The following UNC5C variants were observed in gnomAD, a reference collection of about 807,000 sequenced individuals.
The protein encoded by UNC5C is unc-5 netrin receptor C.
UNC5C carries 47 observed loss-of-function variants against 99.8 expected under a neutral mutation model. The observed-to-expected ratio is 0.47, with a 90% CI of 0.37 to 0.60. UNC5C has a LOEUF of 0.60. Ranked by LOEUF, UNC5C falls within the 20% of genes least tolerant of loss-of-function variation. The probability of loss-of-function intolerance (pLI) is 0.00; values close to 1 mark genes in which losing one functional copy is unlikely to be tolerated. For synonymous variants in UNC5C, 487 were observed against 452.2 expected (o/e 1.08, Z -0.98); for missense variants, 1,062 against 1,165.9 (o/e 0.91, Z 1.30).
intron 1 of UNC5C, among the ~76,000 whole-genome samples, chr4:95,487,421 T>A (rs1024585916): frequency 1.1e-4 from 17 of 151,654 alleles, no homozygotes; most frequent in African/African-American, 3.6e-4. Flanking sequence ...CTAGCACCTA[T>A]TTTGCCACAA....
At chr4:95,482,674 C>G (rs1474834846) in intron 1 of UNC5C, among the ~76,000 whole-genome samples, 1 of 133,792 alleles carries the variant, frequency 7.5e-6, no homozygotes, top group Non-Finnish European at 1.6e-5. Context: ...GAATACTATG[C>G]AGCCATAAAA....
intron 1 of UNC5C, among the ~76,000 whole-genome samples, chr4:95,489,370 A>G (rs1721419616): frequency 6.6e-6 from 1 of 151,660 alleles, no homozygotes; most frequent in Admixed American, 6.6e-5. Context: ...GCGGCAGAAG[A>G]TGTGACCTGG....
intron 3 of UNC5C, among the ~76,000 whole-genome samples, chr4:95,294,650 A>G (rs1315194183): frequency 1.3e-5 from 2 of 152,234 alleles, no homozygotes; most frequent in Non-Finnish European, 2.9e-5. Context: ...GTGAATCAGC[A>G]GAGAATTTCA....
At chr4:95,476,791 G>A (rs984209520) in intron 1 of UNC5C, among the ~76,000 whole-genome samples, 5 of 151,642 alleles carry the variant, frequency 3.3e-5, no homozygotes, top group Non-Finnish European at 5.9e-5. Context: ...AACTCTATTA[G>A]GTGTATACTA....
chr4:95,224,623 C>A (rs536909942), intron 7 of UNC5C, among the ~76,000 whole-genome samples: 6 of 152,210 alleles, frequency 3.9e-5, no homozygotes, highest in Non-Finnish European at 8.8e-5. Context: ...TTCATTCATT[C>A]ATTCATTCAT....
chr4:95,176,927 C>T (rs544374068), intron 14 of UNC5C, among the ~76,000 whole-genome samples: 19 of 143,242 alleles, frequency 1.3e-4, no homozygotes, highest in South Asian at 2.2e-4. Context: ...GAGCCAGGTG[C>T]GGGATATAAT....
In UNC5C at chr4:95,168,807, T is replaced by G. The variant is rs183106469; in HGVS notation, c.*427A>C. ...GTCCACAGCTTCAACTTCAAATGAT[T>G]TGAACAAAAATAGAACGAGCCATGG... On this transcript the variant is annotated 3_prime_UTR_variant, in exon 16 of 16. Coordinates refer to ENST00000453304, the MANE Select transcript of UNC5C (RefSeq NM_003728.4). The G allele has an allele frequency of 3.0e-4, 46 of 155,794 alleles. No individual in the cohort carries two copies. The highest frequency in any genetic ancestry group is 4.1e-4 in the Non-Finnish European group (29 of 69,960). 9.7% of individuals were successfully genotyped at this position (155,794 alleles called of 1,614,324 possible).
At chr4:95,542,245 G>C (rs1722939446) in intron 1 of UNC5C, among the ~76,000 whole-genome samples, 3 of 151,978 alleles carry the variant, frequency 2.0e-5, no homozygotes, top group African/African-American at 7.2e-5. Context: ...GTTTCACCCG[G>C]CTCCCCTCAC....
chr4:95,519,721 G>C (rs17385147), intron 1 of UNC5C, among the ~76,000 whole-genome samples: 10,498 of 152,192 alleles, frequency 0.069, 450 homozygotes, highest in Non-Finnish European at 0.1. Context: ...TAATTGCCCA[G>C]TGTGCATAAG....
At chr4:95,302,276 T>G (rs1181258698) in intron 2 of UNC5C, among the ~76,000 whole-genome samples, 3 of 152,216 alleles carry the variant, frequency 2.0e-5, no homozygotes. Context: ...TGGTATCGTA[T>G]CCGAAGAATA....
intron 1 of UNC5C, among the ~76,000 whole-genome samples, chr4:95,397,267 CA>C (rs1414131868): frequency 6.6e-6 from 1 of 152,138 alleles, no homozygotes; most frequent in Middle Eastern, 3.2e-3. Flanking sequence ...TTACACAAAA[CA>C]AAAATGTCTA....
chr4:95,344,527 T>C (rs369149592), intron 1 of UNC5C, among the ~76,000 whole-genome samples: 30 of 152,162 alleles, frequency 2.0e-4, no homozygotes, highest in Non-Finnish European at 4.1e-4. Flanking sequence ...TAATAGCAAG[T>C]ATACGAAAAA....
intron 1 of UNC5C, among the ~76,000 whole-genome samples, chr4:95,415,159 A>T (rs1224627175): frequency 6.6e-6 from 1 of 152,148 alleles, no homozygotes; most frequent in Non-Finnish European, 1.5e-5. Flanking sequence ...ATGTAAAAGA[A>T]CCAAGTAAAT....
intron 12 of UNC5C, among the ~76,000 whole-genome samples, chr4:95,199,974 A>ATCTT (rs1336071345): frequency 2.6e-5 from 4 of 152,188 alleles, no homozygotes; most frequent in East Asian, 1.9e-4. Flanking sequence ...ACATCAGAAA[A>ATCTT]TCTTACAGGC....
intron 4 of UNC5C, among the ~76,000 whole-genome samples, chr4:95,272,042 C>G (rs1740684802): frequency 8.8e-6 from 1 of 113,750 alleles, no homozygotes; most frequent in East Asian, 3.4e-4. Flanking sequence ...GATCTCAGCT[C>G]CATTACTGTC....
chr4:95,237,641 C>G (rs1739169099), intron 7 of UNC5C, among the ~76,000 whole-genome samples: 1 of 152,066 alleles, frequency 6.6e-6, no homozygotes, highest in African/African-American at 2.4e-5. Context: ...TATATTCAAA[C>G]TATGAGTCAA....
intron 1 of UNC5C, among the ~76,000 whole-genome samples, chr4:95,423,428 A>G (rs556461388): frequency 6.6e-6 from 1 of 152,292 alleles, no homozygotes; most frequent in Admixed American, 6.5e-5. Flanking sequence ...TTAAAAATGT[A>G]AGTAACGCCA....
At chr4:95,213,056 G>A (rs1160058280) in intron 10 of UNC5C, among the ~76,000 whole-genome samples, 1 of 152,196 alleles carries the variant, frequency 6.6e-6, no homozygotes, top group East Asian at 1.9e-4. Context: ...TTTAAAAAGC[G>A]CTGCTATTCC....
chr4:95,363,237 C>T (rs1744450672), intron 1 of UNC5C, among the ~76,000 whole-genome samples: 3 of 152,134 alleles, frequency 2.0e-5, no homozygotes, highest in Admixed American at 1.3e-4. Context: ...ATTACACAAA[C>T]CAGACACAAA....
Sources: allele counts gnomAD v4.1 joint callset (sites outside exome capture counted in the v4.1 genomes callset), GRCh38; gene constraint gnomAD v4.1.1; transcripts MANE v1.5; gene names NCBI Gene and HGNC (gene_info 2026-07-23, HGNC 2026-07-21).